Variants in CHLSN observed in about 807,000 individuals in gnomAD.
CHLSN encodes the protein cholesin.
the CHLSN span, among the ~76,000 whole-genome samples, chr7:1,033,549 A>G: frequency 2.0e-5 from 3 of 151,826 alleles, no homozygotes; most frequent in African/African-American, 7.3e-5. Context: ...ATAAGTGCGA[A>G]ACTCCGTCTC....
At chr7:1,055,565 A>G in the CHLSN span, 1 of 406,222 alleles carries the variant, frequency 2.5e-6, no homozygotes, top group Non-Finnish European at 5.0e-6. Flanking sequence ...GACGTGGGGG[A>G]CTCTGTGCAG....
the CHLSN span, among the ~76,000 whole-genome samples, chr7:982,159 C>T: frequency 6.6e-6 from 1 of 152,226 alleles, no homozygotes; most frequent in Non-Finnish European, 1.5e-5. Flanking sequence ...CCGCCGCAGC[C>T]GCCCAGCCCT....
chr7:988,252 C>G, the CHLSN span: 2 of 1,558,086 alleles, frequency 1.3e-6, no homozygotes, highest in Admixed American at 3.7e-5. Flanking sequence ...GGGCCCCTCT[C>G]TCTGTGCCCC....
At chr7:1,132,157 T>C in the CHLSN span, among the ~76,000 whole-genome samples, 24 of 152,352 alleles carry the variant, frequency 1.6e-4, no homozygotes, top group Admixed American at 5.2e-4. Flanking sequence ...CAATGGCCTC[T>C]TACATATGGC....
At chr7:1,094,405 G>T in the CHLSN span, among the ~76,000 whole-genome samples, 3 of 152,328 alleles carry the variant, frequency 2.0e-5, no homozygotes, top group Admixed American at 6.5e-5. Flanking sequence ...CTGTGTTTGC[G>T]GTTCTGGTCT....
the CHLSN span, chr7:1,028,224 A>G: frequency 2.5e-5 from 27 of 1,075,460 alleles, no homozygotes; most frequent in Non-Finnish European, 3.1e-5. Flanking sequence ...CCCTCCCTGC[A>G]GCCCGAATGC....
the CHLSN span, among the ~76,000 whole-genome samples, chr7:1,015,461 C>G: frequency 6.6e-6 from 1 of 152,222 alleles, no homozygotes; most frequent in Non-Finnish European, 1.5e-5. Flanking sequence ...TGCCAGTGCC[C>G]ACAGGCATCC....
chr7:1,021,510 G>A, the CHLSN span: 1 of 985,454 alleles, frequency 1.0e-6, no homozygotes, highest in Non-Finnish European at 1.2e-6. Context: ...AGTAGTTGGA[G>A]CTGGGACCCC....
At chr7:1,099,169 CA>C in the CHLSN span, among the ~76,000 whole-genome samples, 1 of 134,298 alleles carries the variant, frequency 7.4e-6, no homozygotes, top group Non-Finnish European at 1.6e-5. Context: ...CGCGTTCCTG[CA>C]GCCGGCCTCC....
chr7:1,071,530 C>T, the CHLSN span, among the ~76,000 whole-genome samples: 8 of 151,990 alleles, frequency 5.3e-5, no homozygotes, highest in African/African-American at 1.2e-4. Context: ...GAGTCCACAG[C>T]GACACTCCAA....
the CHLSN span, chr7:1,091,848 C>T: frequency 9.3e-6 from 15 of 1,610,786 alleles, no homozygotes; most frequent in East Asian, 2.2e-5. Flanking sequence ...TCCTGGGCAC[C>T]GCCCTGGCCA....
the CHLSN span, among the ~76,000 whole-genome samples, chr7:1,046,356 C>T: frequency 0.014 from 2,151 of 152,314 alleles, 49 homozygotes; most frequent in African/African-American, 0.048. Flanking sequence ...ATGCACACGA[C>T]GATCCCACGG....
chr7:1,133,773 G>A, the CHLSN span, among the ~76,000 whole-genome samples: 1 of 147,730 alleles, frequency 6.8e-6, no homozygotes, highest in African/African-American at 2.5e-5. Flanking sequence ...AAAACACCCA[G>A]GTGCTACTTT....
At chr7:1,121,707 C>T in the CHLSN span, among the ~76,000 whole-genome samples, 6 of 152,244 alleles carry the variant, frequency 3.9e-5, no homozygotes, top group African/African-American at 1.4e-4. Flanking sequence ...CAGCCAAGAC[C>T]ATGAAACACC....
chr7:987,307 G>A, the CHLSN span: 3 of 1,531,936 alleles, frequency 2.0e-6, no homozygotes, highest in African/African-American at 4.1e-5. Flanking sequence ...CAGGGACGAG[G>A]GATGGCGCTG....
the CHLSN span, among the ~76,000 whole-genome samples, chr7:1,076,865 C>T: frequency 2.6e-5 from 4 of 152,264 alleles, no homozygotes; most frequent in South Asian, 4.1e-4. Context: ...GCACAGCCCA[C>T]GCCCAACCCC....
chr7:1,066,028 C>G, the CHLSN span, among the ~76,000 whole-genome samples: 1 of 152,198 alleles, frequency 6.6e-6, no homozygotes, highest in East Asian at 1.9e-4. Context: ...CCAGAGGGAG[C>G]CCTGCGCGGC....
At chr7:1,009,488 G>C in the CHLSN span, among the ~76,000 whole-genome samples, 9 of 152,268 alleles carry the variant, frequency 5.9e-5, no homozygotes, top group African/African-American at 2.2e-4. Flanking sequence ...CAGCCACGCC[G>C]CAGGCAGCCA....
At chr7:1,128,687 C>T in the CHLSN span, among the ~76,000 whole-genome samples, 1 of 27,354 alleles carries the variant, frequency 3.7e-5, no homozygotes, top group Non-Finnish European at 6.1e-5. Flanking sequence ...CTCATCCCAC[C>T]GTCACCCGGG....
Sources: allele counts gnomAD v4.1 joint callset (sites outside exome capture counted in the v4.1 genomes callset), GRCh38; gene constraint gnomAD v4.1.1; transcripts MANE v1.5; gene names NCBI Gene and HGNC (gene_info 2026-07-23, HGNC 2026-07-21).